Variants in CAPN2 observed in about 807,000 individuals in gnomAD.
CAPN2 encodes the protein calpain-2 catalytic subunit.
Under a neutral mutation model 102.3 loss-of-function variants are expected in CAPN2, and 92 were observed. The ratio of observed to expected loss-of-function variants is 0.90; its 90% CI spans 0.76 to 1.07. CAPN2 has a LOEUF of 1.07. Among genes scored for constraint, CAPN2 ranks in the 50% least tolerant of loss-of-function variants. The probability of loss-of-function intolerance (pLI) is 0.00; values close to 1 mark genes in which losing one functional copy is unlikely to be tolerated. For synonymous variants in CAPN2, 340 were observed against 355.4 expected (o/e 0.96, Z 0.49); for missense variants, 800 against 909.4 (o/e 0.88, Z 1.55).
chr1:223,702,050 G>A (rs1436757328), intron 1 of CAPN2, among the ~76,000 whole-genome samples: 4 of 37,290 alleles, frequency 1.1e-4, no homozygotes, highest in African/African-American at 3.8e-4. Flanking sequence ...AGGGAGGGAA[G>A]AAGGAAGGAA....
At chr1:223,705,525 G>T (rs944266927) in intron 1 of CAPN2, among the ~76,000 whole-genome samples, 1 of 152,172 alleles carries the variant, frequency 6.6e-6, no homozygotes, top group African/African-American at 2.4e-5. Flanking sequence ...ATGGCATTTG[G>T]GGCAGGGGAT....
chr1:223,743,543 G>A (rs1046813294), intron 2 of CAPN2, among the ~76,000 whole-genome samples: 6 of 152,198 alleles, frequency 3.9e-5, no homozygotes, highest in Non-Finnish European at 8.8e-5. Context: ...CCAGGCTGGA[G>A]TGCAGTGGTG....
intron 2 of CAPN2, among the ~76,000 whole-genome samples, chr1:223,736,398 A>C (rs1357940596): frequency 6.6e-6 from 1 of 152,210 alleles, no homozygotes; most frequent in East Asian, 1.9e-4. Flanking sequence ...AGGTGACAGA[A>C]TCAAGCGGTA....
rs535780526 is a variant in CAPN2, at chr1:223,762,015, T to G, written c.1567-171T>G. Among the ~76,000 whole-genome samples the G allele has an allele frequency of 5.6e-4, 43 of 76,488 alleles. No homozygotes were observed. In the African/African-American group the frequency reaches 8.3e-3, roughly 15 times the overall value. 50.2% of individuals were successfully genotyped at this position (76,488 alleles called of 152,430 possible). On this transcript the variant is annotated intron_variant, in intron 13 of 20. Coordinates refer to ENST00000295006, the MANE Select transcript of CAPN2 (RefSeq NM_001748.5). ...GTGTTTTAATTAGAAAAAAAAAACCTTATATTAATTCTTCACACTATACCT... is the reference window on the plus strand; with the variant it reads ...GTGTTTTAATTAGAAAAAAAAAACCGTATATTAATTCTTCACACTATACCT...
chr1:223,770,143 A>G (rs1661434832), intron 17 of CAPN2: 3 of 588,296 alleles, frequency 5.1e-6, no homozygotes, highest in Admixed American at 6.0e-5. Context: ...GGGATCATCT[A>G]AAGGCCACCA....
In CAPN2 at chr1:223,712,890, C is replaced by G. The variant is rs372036732; in HGVS notation, c.237+13C>G. On this transcript the variant is annotated intron_variant, in intron 1 of 20. Transcript: ENST00000295006. ...GAAGCGCCCCACGGTAGGAAGCGCG[C>G]GGCAGGACGCGGGCAGGGCGGGGTG... The G allele has an allele frequency of 1.3e-5, 20 of 1,500,984 alleles. No individual in the cohort carries two copies. In the African/African-American group the frequency reaches 1.4e-4, roughly 11 times the overall value. The allele number at this position is 1,500,984 out of a possible 1,614,324, so 93.0% of individuals were successfully genotyped here.
At chr1:223,772,058 A>G in intron 19 of CAPN2, 123 bp from the exon 20 acceptor site, 4 of 1,125,806 alleles carry the variant, frequency 3.6e-6, no homozygotes, top group Non-Finnish European at 5.4e-6. Flanking sequence ...CTCTTTACTA[A>G]TTTGAGGGTG....
chr1:223,762,324 G>GACAC, intron 14 of CAPN2, 73 bp downstream of exon 14: 1 of 1,236,490 alleles, frequency 8.1e-7, no homozygotes, highest in Non-Finnish European at 1.2e-6. Flanking sequence ...TCCCCAAGGG[G>GACAC]ACTTTAGTTT....
chr1:223,707,079 CAA>C (rs34249886), intron 1 of CAPN2, among the ~76,000 whole-genome samples: 42 of 80,904 alleles, frequency 5.2e-4, no homozygotes, highest in African/African-American at 7.1e-4. Flanking sequence ...GACTCCACCT[CAA>C]AAAAAAAAAA....
chr1:223,753,250 T>C (rs1438237997), intron 9 of CAPN2, among the ~76,000 whole-genome samples: 1 of 152,228 alleles, frequency 6.6e-6, no homozygotes, highest in Non-Finnish European at 1.5e-5. Flanking sequence ...CATCATGACC[T>C]TCAGCCTGAC....
intron 1 of CAPN2, among the ~76,000 whole-genome samples, chr1:223,716,725 T>G (rs890701956): frequency 6.6e-6 from 1 of 151,836 alleles, no homozygotes; most frequent in Non-Finnish European, 1.5e-5. Flanking sequence ...GAGGCTCAAA[T>G]TTGTGCCCCA....
Position 223,775,045 on chromosome 1 carries a change from A to C in CAPN2, c.*188A>C, listed in dbSNP as rs28370175. Reference sequence around the variant, plus strand: ...GAAGTTTCACACATCAAAGTAAAAGATTTGCATATCATTATACTAAATGCA... The same window carrying C: ...GAAGTTTCACACATCAAAGTAAAAGCTTTGCATATCATTATACTAAATGCA... On this transcript the variant is annotated 3_prime_UTR_variant, in exon 21 of 21. Coordinates refer to ENST00000295006, the MANE Select transcript of CAPN2 (RefSeq NM_001748.5). 3 of 610,230 alleles carry C rather than the reference A, an allele frequency of 4.9e-6. No individual in the cohort carries two copies. The highest frequency in any genetic ancestry group is 8.7e-6 in the Non-Finnish European group (3 of 345,834). 37.8% of individuals were successfully genotyped at this position (610,230 alleles called of 1,614,324 possible).
chr1:223,712,080 G>A (rs1404113248), upstream of CAPN2, among the ~76,000 whole-genome samples: 3 of 152,150 alleles, frequency 2.0e-5, no homozygotes, highest in African/African-American at 7.2e-5. Context: ...TGTAAAATGG[G>A]GACAATATCA....
chr1:223,770,147 GCC>G (rs1661435054), intron 17 of CAPN2: 1 of 585,756 alleles, frequency 1.7e-6, no homozygotes, highest in South Asian at 2.1e-5. Context: ...TCATCTAAAG[GCC>G]ACCATCAAGG....
At chr1:223,736,139 C>T (rs1660450536) in intron 2 of CAPN2, among the ~76,000 whole-genome samples, 3 of 152,130 alleles carry the variant, frequency 2.0e-5, no homozygotes, top group African/African-American at 7.2e-5. Flanking sequence ...CGGTTCTGTC[C>T]ACTAGGCCAG....
rs1240769070 is a variant in CAPN2, at chr1:223,754,949, T to C, written c.1136-531T>C. Among the ~76,000 whole-genome samples the C allele has an allele frequency of 1.3e-5, 2 of 152,144 alleles. No individual in the cohort carries two copies. Among genetic ancestry groups the C allele is most frequent in the Admixed American group, 1.3e-4 (2 of 15,284 alleles). Reference sequence around the variant, plus strand: ...AGCCACAGCTCTAACCACCCTGCGTTCCAGAGTGACAGACCAGTCCCCAAG... The same window carrying C: ...AGCCACAGCTCTAACCACCCTGCGTCCCAGAGTGACAGACCAGTCCCCAAG... On this transcript the variant is annotated intron_variant, in intron 9 of 20. Transcript: ENST00000295006. The surrounding 1 kb of genome is among the most constrained non-coding windows in gnomAD (Gnocchi z 4.7).
chr1:223,766,625 A>G (rs1661339397), intron 16 of CAPN2, among the ~76,000 whole-genome samples, 194 bp downstream of exon 16: 1 of 152,134 alleles, frequency 6.6e-6, no homozygotes, highest in Non-Finnish European at 1.5e-5. Context: ...AGGGAAAGCA[A>G]ATGCTACACC....
chr1:223,705,994 T>A (rs1205625062), intron 1 of CAPN2, among the ~76,000 whole-genome samples: 1 of 152,184 alleles, frequency 6.6e-6, no homozygotes, highest in East Asian at 1.9e-4. Context: ...TAAGACTACA[T>A]GTATTATTAG....
At chr1:223,717,553 A>G (rs1003829892) in intron 1 of CAPN2, among the ~76,000 whole-genome samples, 4 of 152,114 alleles carry the variant, frequency 2.6e-5, no homozygotes, top group African/African-American at 9.7e-5. Context: ...TGCCCTTCTC[A>G]GACAGGACCA....
Sources: gnomAD v4.1 joint callset for allele counts (sites outside exome capture counted in the v4.1 genomes callset) on GRCh38, gnomAD v4.1.1 for gene constraint, Gnocchi (gnomAD v3.1) non-coding constraint, MANE v1.5 for transcripts, NCBI Gene and HGNC (gene_info 2026-07-23, HGNC 2026-07-21) for gene names.